Variants in ARHGAP18 observed in about 807,000 individuals in gnomAD.
The protein encoded by ARHGAP18 is rho GTPase-activating protein 18.
Under a neutral mutation model 86.2 loss-of-function variants are expected in ARHGAP18, and 67 were observed. That is an observed-to-expected ratio of 0.78 (90% CI 0.64 to 0.95). The LOEUF is 0.95. ARHGAP18 is among the 40% of genes least tolerant of loss of function. ARHGAP18 has a pLI of 0.00. For missense variants in ARHGAP18, 691 were observed against 780.4 expected (o/e 0.89, Z 1.37); for synonymous variants, 283 against 280.4 (o/e 1.01, Z -0.09).
At chr6:129,676,913 C>CTTTTTTTTT (rs1562721123) in intron 1 of ARHGAP18, among the ~76,000 whole-genome samples, 8 of 34,566 alleles carry the variant, frequency 2.3e-4, no homozygotes, top group African/African-American at 5.9e-4. Context: ...ATTTTTTGTC[C>CTTTTTTTTT]TCTTTTTTTT....
intron 12 of ARHGAP18, among the ~76,000 whole-genome samples, chr6:129,585,739 C>T (rs920270988): frequency 7.2e-5 from 11 of 152,198 alleles, no homozygotes; most frequent in African/African-American, 2.7e-4. Flanking sequence ...CTTTGCTGGG[C>T]TAACCTTGGT....
intron 1 of ARHGAP18, among the ~76,000 whole-genome samples, chr6:129,662,617 C>T (rs920418592): frequency 5.9e-5 from 9 of 152,216 alleles, no homozygotes; most frequent in Non-Finnish European, 1.3e-4. Flanking sequence ...CTTTCTGTTT[C>T]ACTGTGCAAG....
intron 1 of ARHGAP18, among the ~76,000 whole-genome samples, chr6:129,666,326 A>T (rs1277622214): frequency 6.6e-6 from 1 of 152,202 alleles, no homozygotes; most frequent in Non-Finnish European, 1.5e-5. Flanking sequence ...CAGCCAAAAG[A>T]ACGGCAAGTG....
chr6:129,686,967 C>CTTTTTCTTTTCT (rs1774435771), intron 1 of ARHGAP18, among the ~76,000 whole-genome samples: 1 of 72,484 alleles, frequency 1.4e-5, no homozygotes, highest in African/African-American at 4.9e-5. Context: ...ATTTTTTTTT[C>CTTTTTCTTTTCT]TTTTTTTTTT....
intron 1 of ARHGAP18, among the ~76,000 whole-genome samples, chr6:129,646,650 C>T (rs1001894088): frequency 2.0e-5 from 3 of 152,114 alleles, no homozygotes; most frequent in Admixed American, 2.0e-4. Flanking sequence ...ATGAGTAGCA[C>T]TGTTTTATAT....
chr6:129,626,103 C>CACACACACACAT (rs1789464144), intron 5 of ARHGAP18, among the ~76,000 whole-genome samples: 1 of 91,848 alleles, frequency 1.1e-5, no homozygotes. Flanking sequence ...CACACACACA[C>CACACACACACAT]ACATATATAG....
intron 12 of ARHGAP18, among the ~76,000 whole-genome samples, chr6:129,587,964 T>C (rs1788431749): frequency 6.6e-6 from 1 of 152,142 alleles, no homozygotes; most frequent in Admixed American, 6.5e-5. Flanking sequence ...CTTCCACCTA[T>C]GAGCCTGCAA....
rs1354601735 is a variant in ARHGAP18 at position 129,625,340 on chromosome 6, T to C, written c.786+4013A>G. Reference sequence around the variant, plus strand: ...TAATATATATGATATATGATATATATTTATATGTAATATATATTATGTATA... The same window carrying C: ...TAATATATATGATATATGATATATACTTATATGTAATATATATTATGTATA... On this transcript the variant is annotated intron_variant, in intron 5 of 14. Coordinates refer to ENST00000368149, the MANE Select transcript of ARHGAP18 (RefSeq NM_033515.3). Among the ~76,000 whole-genome samples the C allele has an allele frequency of 6.6e-5, 5 of 75,554 alleles. 1 individual carries two copies. The Admixed American group carries it at 7.6e-4, about 11-fold the overall frequency. 49.6% of individuals were successfully genotyped at this position (75,554 alleles called of 152,430 possible). A position where few individuals can be genotyped will look rare whatever the true frequency, so the allele number is the denominator to read the frequency against.
chr6:129,606,084 G>A (rs1788848178), intron 9 of ARHGAP18, 125 bp from the exon 10 acceptor site: 7 of 817,264 alleles, frequency 8.6e-6, no homozygotes, highest in Middle Eastern at 3.0e-4. Flanking sequence ...AAGACACAAC[G>A]ACTGAGCTGC....
chr6:129,696,102 C>T (rs1562727805), intron 1 of ARHGAP18, among the ~76,000 whole-genome samples: 1 of 152,162 alleles, frequency 6.6e-6, no homozygotes, highest in African/African-American at 2.4e-5. Context: ...AACCAAGTAA[C>T]TTAAATACTG....
intron 7 of ARHGAP18, among the ~76,000 whole-genome samples, chr6:129,613,887 T>A (rs1789035682): frequency 1.3e-5 from 2 of 152,218 alleles, no homozygotes; most frequent in South Asian, 2.1e-4. Flanking sequence ...GTAATTTTCA[T>A]AGCATTTCTC....
chr6:129,670,495 T>C (rs540142153), intron 1 of ARHGAP18, among the ~76,000 whole-genome samples: 5 of 152,312 alleles, frequency 3.3e-5, no homozygotes, highest in African/African-American at 1.2e-4. Flanking sequence ...ACGTTTTTCC[T>C]GCATTCTGGT....
rs1472923373 is a variant in ARHGAP18 at position 129,578,299 on chromosome 6, C to T, written c.*214G>A. 9.2e-6 allele frequency: 2 copies of T among 218,128 alleles called. No homozygotes were observed. The highest frequency in any genetic ancestry group is 1.8e-5 in the Non-Finnish European group (2 of 113,110). The allele number at this position is 218,128 out of a possible 1,614,324, so 13.5% of individuals were successfully genotyped here. A position where few individuals can be genotyped will look rare whatever the true frequency, so the allele number is the denominator to read the frequency against. ...CTAATTAAGCCTCTTTACTCTCACT[C>T]CAGAAATTTTTTTTCTAATAATAAC... On this transcript the variant is annotated 3_prime_UTR_variant, in exon 15 of 15. Transcript: ENST00000368149.
chr6:129,615,951 A>C (rs1434626742), intron 7 of ARHGAP18, among the ~76,000 whole-genome samples: 4 of 152,208 alleles, frequency 2.6e-5, no homozygotes. Flanking sequence ...TATAGAATTG[A>C]AATCTCAATT....
chr6:129,580,156 T>C, intron 13 of ARHGAP18, 25 bp from the exon 14 acceptor site: 3 of 1,599,352 alleles, frequency 1.9e-6, no homozygotes, highest in Non-Finnish European at 2.6e-6. Context: ...ACAAACCGAT[T>C]AGTTGTATCA....
intron 12 of ARHGAP18, among the ~76,000 whole-genome samples, chr6:129,593,384 C>T (rs1279891687): frequency 6.6e-6 from 1 of 152,064 alleles, no homozygotes; most frequent in Non-Finnish European, 1.5e-5. Flanking sequence ...TCCCTTGAGC[C>T]TGCAACTTTG....
At chr6:129,669,525 C>A (rs898156596) in intron 1 of ARHGAP18, among the ~76,000 whole-genome samples, 2 of 150,344 alleles carry the variant, frequency 1.3e-5, no homozygotes, top group East Asian at 4.1e-4. Context: ...GTGGCTCATG[C>A]CTGTAATCCC....
chr6:129,581,631 C>G (rs1424737402), intron 13 of ARHGAP18, among the ~76,000 whole-genome samples: 2 of 152,078 alleles, frequency 1.3e-5, no homozygotes, highest in African/African-American at 4.8e-5. Flanking sequence ...TTGCGTAATG[C>G]TAATCAACAA....
chr6:129,618,131 C>A (rs1789135152), intron 6 of ARHGAP18, among the ~76,000 whole-genome samples: 1 of 151,722 alleles, frequency 6.6e-6, no homozygotes, highest in African/African-American at 2.4e-5. Context: ...AAAAACCACT[C>A]CATATTTCCA....
Sources: gnomAD v4.1 joint callset for allele counts (sites outside exome capture counted in the v4.1 genomes callset) on GRCh38, gnomAD v4.1.1 for gene constraint, MANE v1.5 for transcripts, NCBI Gene and HGNC (gene_info 2026-07-23, HGNC 2026-07-21) for gene names.